ABLIM2: variants seen among roughly 807,000 people sequenced by gnomAD.
ABLIM2 encodes the protein actin binding LIM protein family member 2, also known as actin-binding LIM protein 2.
In ABLIM2, 53 loss-of-function variants were observed where a neutral mutation model predicts 97.7. The ratio of observed to expected loss-of-function variants is 0.54; its 90% confidence interval spans 0.44 to 0.68. ABLIM2 has a LOEUF of 0.68. Ranked by LOEUF, ABLIM2 falls within the 30% of genes least tolerant of loss-of-function variation. The pLI is 0.00. For missense variants in ABLIM2, 835 were observed against 867.2 expected (o/e 0.96, Z 0.47); for synonymous variants, 361 against 345.8 (o/e 1.04, Z -0.49).
rs114242457 is a variant in ABLIM2 at position 8,005,757 on chromosome 4, C to T, written c.1618+2302G>A. Among the ~76,000 whole-genome samples the T allele has an allele frequency of 2.5e-3, 376 of 152,298 alleles. 1 individual carries two copies. Among genetic ancestry groups the T allele is most frequent in the African/African-American group, 8.4e-3 (350 of 41,558 alleles). ...GCACAATCAGAATGGTTAGACACAG[C>T]GGGTTTCCTGCTCAGAGGAAGTGGA... On this transcript the variant is annotated intron_variant, in intron 16 of 20. Transcript: ENST00000447017. The surrounding 1 kb of genome is among the most constrained non-coding windows in gnomAD (Gnocchi z 4.9).
At chr4:7,979,255 A>G (rs1378061065) in intron 20 of ABLIM2, among the ~76,000 whole-genome samples, 1 of 152,196 alleles carries the variant, frequency 6.6e-6, no homozygotes, top group African/African-American at 2.4e-5. Context: ...TTCCTTTGCT[A>G]GCACGATCCC....
rs190690331 is a variant in ABLIM2 at position 8,032,018 on chromosome 4, C to A, written c.1048-2242G>T. 3.3e-5 allele frequency among the ~76,000 whole-genome samples: 5 copies of A among 152,048 alleles called. No homozygotes were observed. The highest frequency in any genetic ancestry group is 7.4e-5 in the Non-Finnish European group (5 of 68,014). On this transcript the variant is annotated intron_variant, in intron 10 of 20. Transcript: ENST00000447017. The surrounding 1 kb of genome is among the most constrained non-coding windows in gnomAD (Gnocchi z 4.3). ...CTGGGATTACAGGTGTGAGCCACCA[C>A]GCCCAGCCTATGAAATGTTTACAAT...
intron 20 of ABLIM2, among the ~76,000 whole-genome samples, chr4:7,973,668 T>G: frequency 6.6e-6 from 1 of 152,204 alleles, no homozygotes; most frequent in East Asian, 1.9e-4. Context: ...CAAAAACTCC[T>G]GTGGCTACGG....
Position 8,054,555 on chromosome 4 carries a change from G to A in ABLIM2, c.764-309C>T, listed in dbSNP as rs2151978972. 6.6e-6 allele frequency among the ~76,000 whole-genome samples: 1 copy of A among 152,348 alleles called. No homozygotes were observed. The highest frequency in any genetic ancestry group is 1.5e-5 in the Non-Finnish European group (1 of 68,032). On this transcript the variant is annotated intron_variant, in intron 7 of 20. Coordinates refer to ENST00000447017, the MANE Select transcript of ABLIM2 (RefSeq NM_001130083.2). The surrounding 1 kb of genome is among the most constrained non-coding windows in gnomAD (Gnocchi z 4.9). ...CATAGGGTCTTGAGGAACCTGGGGG[G>A]CAGCTGGAAGATTCTTCTCTGAGGA...
chr4:7,984,961 CAGG>C, intron 17 of ABLIM2, 68 bp from the exon 18 acceptor site: 2 of 1,542,026 alleles, frequency 1.3e-6, no homozygotes, highest in Non-Finnish European at 1.8e-6. Flanking sequence ...GGGCAGGGAC[CAGG>C]AGATGTGGCC....
chr4:8,032,622 G>A lies in ABLIM2; in HGVS notation c.1048-2846C>T, dbSNP rs553517865. ...CCAGGCAGCAGCGCCACGGCAAGCG[G>A]GGACAGGCGAGAGGGTGGTGGTTAC... is the stretch of plus-strand genomic sequence containing the variant. On this transcript the variant is annotated intron_variant, in intron 10 of 20. Coordinates refer to ENST00000447017, the MANE Select transcript of ABLIM2 (RefSeq NM_001130083.2). This position sits in a 1 kb window ranked among gnomAD's most constrained non-coding sequence, Gnocchi z 4.3. The A allele has an allele frequency of 5.6e-6, 9 of 1,612,302 alleles. No individual in the cohort carries two copies. In the South Asian group the frequency reaches 8.8e-5, roughly 16 times the overall value.
At chr4:7,972,557 C>T (rs1728981428) in intron 20 of ABLIM2, among the ~76,000 whole-genome samples, 1 of 152,218 alleles carries the variant, frequency 6.6e-6, no homozygotes. Flanking sequence ...GACAAGATGT[C>T]TGGTCTGCAT....
intron 5 of ABLIM2, among the ~76,000 whole-genome samples, chr4:8,080,221 C>T (rs905270230): frequency 2.0e-5 from 3 of 152,226 alleles, no homozygotes; most frequent in African/African-American, 7.2e-5. Context: ...TGTGGGGCCC[C>T]AGCCCTGACA....
At chr4:8,086,249 C>T (rs1823512174) in intron 4 of ABLIM2, among the ~76,000 whole-genome samples, 1 of 145,634 alleles carries the variant, frequency 6.9e-6, no homozygotes, top group Admixed American at 6.9e-5. Context: ...TTGGAGAGGG[C>T]ACAGCCTTTC....
In ABLIM2 at chr4:8,054,082, G is replaced by T. The variant is rs768073708; in HGVS notation, c.822+106C>A. ...GCTGCCCCCATCCTGCAGCCCGTGG[G>T]ACTGGACAATGAGCCTGTAGAATCT... On this transcript the variant is annotated intron_variant, in intron 8 of 20. Transcript: ENST00000447017. This position sits in a 1 kb window ranked among gnomAD's most constrained non-coding sequence, Gnocchi z 4.9. 1.5e-6 allele frequency: 2 copies of T among 1,331,914 alleles called. No homozygotes were observed. Among genetic ancestry groups the T allele is most frequent in the Non-Finnish European group, 2.2e-6 (2 of 930,182 alleles). 82.5% of individuals were successfully genotyped at this position (1,331,914 alleles called of 1,614,324 possible).
intron 20 of ABLIM2, among the ~76,000 whole-genome samples, chr4:7,973,575 G>A (rs911180689): frequency 2.0e-5 from 3 of 152,130 alleles, no homozygotes; most frequent in Non-Finnish European, 2.9e-5. Context: ...GGACAGGATA[G>A]GCCCTGCAGG....
intron 1 of ABLIM2, among the ~76,000 whole-genome samples, chr4:8,131,627 T>A (rs1849376339): frequency 6.7e-6 from 1 of 148,958 alleles, no homozygotes; most frequent in African/African-American, 2.5e-5. Flanking sequence ...GAAGCCTGCA[T>A]CCCTGAGCAC....
intron 1 of ABLIM2, among the ~76,000 whole-genome samples, chr4:8,144,527 C>T (rs1348110979): frequency 6.6e-6 from 1 of 150,668 alleles, no homozygotes; most frequent in Admixed American, 6.6e-5. Flanking sequence ...GAAGCTGACC[C>T]ACATTTAATG....
intron 2 of ABLIM2, 28 bp from the exon 3 acceptor site, chr4:8,097,310 A>G (rs1182807726): frequency 1.3e-6 from 2 of 1,550,218 alleles, no homozygotes; most frequent in East Asian, 2.4e-5. Flanking sequence ...AGGTGGCGTT[A>G]GCGGCAGAGG....
intron 1 of ABLIM2, among the ~76,000 whole-genome samples, chr4:8,152,213 C>G (rs1027820003): frequency 1.3e-5 from 2 of 152,236 alleles, no homozygotes; most frequent in African/African-American, 4.8e-5. Context: ...CCCACAGCCA[C>G]CGGCTAAAGC....
intron 3 of ABLIM2, among the ~76,000 whole-genome samples, chr4:8,089,011 A>C (rs1413164596): frequency 1.3e-5 from 2 of 152,128 alleles, no homozygotes; most frequent in African/African-American, 2.4e-5. Flanking sequence ...CTTTATTTAA[A>C]ATTCTGCCAT....
chr4:8,104,722 C>T (rs1267643094), intron 2 of ABLIM2, among the ~76,000 whole-genome samples: 1 of 152,212 alleles, frequency 6.6e-6, no homozygotes, highest in Non-Finnish European at 1.5e-5. Flanking sequence ...CCCTGCAGGG[C>T]TCCAAGTGCC....
chr4:7,994,702 T>C (rs1751846654), intron 16 of ABLIM2, among the ~76,000 whole-genome samples: 1 of 111,414 alleles, frequency 9.0e-6, no homozygotes, highest in African/African-American at 2.8e-5. Context: ...TGAACTAGTT[T>C]ACAGTCCCAC....
At position 8,044,853 on chromosome 4, in the gene ABLIM2, T is replaced by C. The variant is rs904089805; in HGVS notation, c.900+311A>G. Among the ~76,000 whole-genome samples, 1 of 152,218 alleles carries C rather than the reference T, an allele frequency of 6.6e-6. No individual in the cohort carries two copies. The highest frequency in any genetic ancestry group is 2.4e-5 in the African/African-American group (1 of 41,452). On this transcript the variant is annotated intron_variant, in intron 9 of 20. Transcript: ENST00000447017. This position sits in a 1 kb window ranked among gnomAD's most constrained non-coding sequence, Gnocchi z 4.4. Reference sequence around the variant, plus strand: ...TGTCTGGCAAGCCCCAACTGTCGGCTGTTGATGTGACGTGTCTGCACCACT... The same window carrying C: ...TGTCTGGCAAGCCCCAACTGTCGGCCGTTGATGTGACGTGTCTGCACCACT...
Sources: gnomAD v4.1 joint callset for allele counts (sites outside exome capture counted in the v4.1 genomes callset) on GRCh38, gnomAD v4.1.1 for gene constraint, Gnocchi (gnomAD v3.1) non-coding constraint, MANE v1.5 for transcripts, NCBI Gene and HGNC (gene_info 2026-07-23, HGNC 2026-07-21) for gene names.